The following CAPN5 variants were observed in gnomAD, a reference collection of about 807,000 sequenced individuals.
CAPN5 encodes calpain-5.
CAPN5 carries 54 observed loss-of-function variants against 73.0 expected under a neutral mutation model. The observed-to-expected ratio is 0.74, with a 90% CI of 0.59 to 0.93. The LOEUF is 0.93. Among genes scored for constraint, CAPN5 ranks in the 40% least tolerant of loss-of-function variants. The pLI is 0.00. For missense variants in CAPN5, 785 were observed against 882.9 expected (o/e 0.89, Z 1.41); for synonymous variants, 335 against 356.9 (o/e 0.94, Z 0.69).
chr11:77,089,207 C>T (rs1950123482), intron 2 of CAPN5, among the ~76,000 whole-genome samples: 1 of 152,152 alleles, frequency 6.6e-6, no homozygotes, highest in Non-Finnish European at 1.5e-5. Flanking sequence ...GATAAAGGGC[C>T]CCTGGCACCC....
At chr11:77,114,174 CT>C in intron 4 of CAPN5, 67 bp from the exon 5 acceptor site, 1 of 1,483,288 alleles carries the variant, frequency 6.7e-7, no homozygotes, top group Non-Finnish European at 9.4e-7. Context: ...AAAACCTCCC[CT>C]ATGAGGTAAA....
At chr11:77,082,462 T>A (rs1285619344) in intron 1 of CAPN5, among the ~76,000 whole-genome samples, 2 of 152,220 alleles carry the variant, frequency 1.3e-5, no homozygotes, top group African/African-American at 4.8e-5. Context: ...TGCCTGGGGC[T>A]AGCAGAGGAG....
intron 3 of CAPN5, among the ~76,000 whole-genome samples, chr11:77,106,610 G>A (rs889607835): frequency 6.6e-6 from 1 of 152,210 alleles, no homozygotes; most frequent in Non-Finnish European, 1.5e-5. Flanking sequence ...CACCTCTCTC[G>A]AGGCTGTTGT....
rs782528137 is a variant in CAPN5 at position 77,102,897 on chromosome 11, G to A, written c.297+9084G>A. ...GGACATGCCGCTGGTCCTGGACCAGGGCCTGACCAGGCAGATGCGGCTACG... is the reference window on the plus strand; with the variant it reads ...GGACATGCCGCTGGTCCTGGACCAGAGCCTGACCAGGCAGATGCGGCTACG... On this transcript the variant is annotated intron_variant, in intron 3 of 12. Coordinates refer to ENST00000648180, the MANE Select transcript of CAPN5 (RefSeq NM_004055.5). 3 of 1,612,258 alleles carry A rather than the reference G, an allele frequency of 1.9e-6. No individual in the cohort carries two copies. In the South Asian group the frequency reaches 3.3e-5, roughly 18 times the overall value.
At chr11:77,102,746 T>C in intron 3 of CAPN5, 1 of 1,405,474 alleles carries the variant, frequency 7.1e-7, no homozygotes, top group Non-Finnish European at 9.4e-7. Context: ...GGGCAGAAAG[T>C]AGGTGGGGCC....
At position 77,120,797 on chromosome 11, in the gene CAPN5, C is replaced by A; in HGVS notation, c.1375C>A (p.Leu459Met). ...CTACATCAACTCACGCAGCGTCTTC[C>A]TGCGCACCGACCAGCCCGAGGGCCG... Reference protein sequence around the residue: ...SIYINSRSVFLRTDQPEGRYV... With the variant: ...SIYINSRSVFMRTDQPEGRYV... Residue 459 changes from leucine (L) to methionine (M), a missense_variant, in exon 10 of 13, where the codon CTG (leucine) becomes ATG (methionine). By Grantham distance (15) the Leu-to-Met change is conservative. Transcript: ENST00000648180. 6.2e-7 allele frequency: 1 copy of A among 1,614,152 alleles called. No individual in the cohort carries two copies. The highest frequency in any genetic ancestry group is 8.5e-7 in the Non-Finnish European group (1 of 1,180,026).
chr11:77,076,100 G>A (rs782797427), intron 1 of CAPN5, among the ~76,000 whole-genome samples: 1 of 152,144 alleles, frequency 6.6e-6, no homozygotes, highest in Non-Finnish European at 1.5e-5. Context: ...AGTAGCTCAT[G>A]CCTGGAATCC....
chr11:77,104,708 C>T (rs1361706903), intron 3 of CAPN5, among the ~76,000 whole-genome samples: 3 of 152,256 alleles, frequency 2.0e-5, no homozygotes, highest in Non-Finnish European at 2.9e-5. Context: ...GACTTAAGGC[C>T]AGCCCTGTGT....
intron 1 of CAPN5, among the ~76,000 whole-genome samples, chr11:77,073,676 G>A (rs1290713804): frequency 4.6e-5 from 7 of 152,212 alleles, no homozygotes; most frequent in African/African-American, 1.7e-4. Context: ...GCAGGAGAGC[G>A]GCCTGGTGGG....
chr11:77,089,881 AC>A, intron 2 of CAPN5, among the ~76,000 whole-genome samples: 1 of 152,264 alleles, frequency 6.6e-6, no homozygotes, highest in East Asian at 1.9e-4. Flanking sequence ...TCTAAAAAAA[AC>A]AAACAAAAAC....
At chr11:77,116,938 T>C (rs1304881841) in intron 7 of CAPN5, among the ~76,000 whole-genome samples, 12 of 152,156 alleles carry the variant, frequency 7.9e-5, no homozygotes, top group South Asian at 2.1e-4. Context: ...GCAGCTCAGC[T>C]TAAAGAGCCC....
Position 77,093,772 on chromosome 11 carries a change from GC to G in CAPN5, c.258del (p.Cys87AlafsTer76). On this transcript the variant is annotated frameshift_variant, in exon 3 of 13. Coordinates refer to ENST00000648180, the MANE Select transcript of CAPN5 (RefSeq NM_004055.5). LOFTEE classifies it high-confidence loss of function. The part of the protein sequence containing the change: ...GQVGNCWFVA[A>X]CSSLASRESL... ...GGTGGGCAACTGCTGGTTTGTGGCA[GC>G]CTGCTCGTCACTTGCCTCCCGGGAG... 6.2e-7 allele frequency: 1 copy of G among 1,612,198 alleles called. No individual in the cohort carries two copies. Among genetic ancestry groups the G allele is most frequent in the Non-Finnish European group, 8.5e-7 (1 of 1,179,998 alleles).
chr11:77,100,230 G>T (rs1950270546), intron 3 of CAPN5, among the ~76,000 whole-genome samples: 1 of 152,120 alleles, frequency 6.6e-6, no homozygotes. Context: ...CCAGCCTTGG[G>T]TGGGTCCTCC....
chr11:77,071,130 C>A (rs1314599818), intron 1 of CAPN5, among the ~76,000 whole-genome samples: 1 of 152,152 alleles, frequency 6.6e-6, no homozygotes, highest in African/African-American at 2.4e-5. Context: ...TTCCCAGCTC[C>A]CGCCCCCACC....
chr11:77,099,727 CGGAGAG>C (rs1331663093), intron 3 of CAPN5, among the ~76,000 whole-genome samples: 101 of 98,772 alleles, frequency 1.0e-3, no homozygotes, highest in Middle Eastern at 5.8e-3. Context: ...GAGAGGGAGA[CGGAGAG>C]GGAGAGGGAG....
intron 3 of CAPN5, among the ~76,000 whole-genome samples, chr11:77,094,084 A>T (rs1284153838): frequency 1.3e-5 from 2 of 152,188 alleles, no homozygotes; most frequent in African/African-American, 4.8e-5. Context: ...GACACTTGGC[A>T]GATTAATACA....
At position 77,115,531 on chromosome 11, in the gene CAPN5, T is replaced by C; in HGVS notation, c.836T>C (p.Met279Thr). 3 of 1,613,166 alleles carry C rather than the reference T, an allele frequency of 1.9e-6. No individual in the cohort carries two copies. The highest frequency in any genetic ancestry group is 2.2e-5 in the South Asian group (2 of 91,036). The change falls in exon 6 of 13, where the codon ATG (methionine) becomes ACG (threonine). Residue 279 changes from methionine to threonine, a missense_variant. Coordinates refer to ENST00000648180, the MANE Select transcript of CAPN5 (RefSeq NM_004055.5). ...TTCTTCAAGTCAGAGAAGTTGGACA[T>C]GATCCGCCTGCGCAACCCCTGGGGC... ...LAFFKSEKLD[M>T]IRLRNPWGER...
At chr11:77,085,227 G>A (rs1343909641) in intron 2 of CAPN5, among the ~76,000 whole-genome samples, 176 bp downstream of exon 2, 10 of 152,302 alleles carry the variant, frequency 6.6e-5, no homozygotes, top group Admixed American at 6.5e-4. Context: ...AGAATGGGCT[G>A]TAATCCTGTG....
chr11:77,094,361 C>A (rs1253446910), intron 3 of CAPN5, among the ~76,000 whole-genome samples: 1 of 152,132 alleles, frequency 6.6e-6, no homozygotes, highest in African/African-American at 2.4e-5. Flanking sequence ...AACCCAACCT[C>A]CTATCCCAGC....
Sources: allele counts gnomAD v4.1 joint callset (sites outside exome capture counted in the v4.1 genomes callset), GRCh38; gene constraint gnomAD v4.1.1; transcripts MANE v1.5; gene names NCBI Gene and HGNC (gene_info 2026-07-23, HGNC 2026-07-21).